Variants in DTX1 observed in about 807,000 individuals in gnomAD.
DTX1 encodes deltex E3 ubiquitin ligase 1.
A neutral mutation model predicts 57.8 loss-of-function variants in DTX1; 26 were observed. The ratio of observed to expected loss-of-function variants is 0.45; its 90% CI spans 0.33 to 0.62. The LOEUF (loss-of-function observed/expected upper bound fraction) is 0.62. Among genes scored for constraint, DTX1 ranks in the 20% least tolerant of loss-of-function variants. The pLI, the probability that DTX1 is intolerant of heterozygous loss-of-function variation, is 0.02. For missense variants in DTX1, 704 were observed against 895.3 expected (o/e 0.79, Z 2.73); for synonymous variants, 398 against 394.1 (o/e 1.01, Z -0.12).
At chr12:113,086,132 G>A (rs2136063616) in intron 3 of DTX1, among the ~76,000 whole-genome samples, 1 of 152,244 alleles carries the variant, frequency 6.6e-6, no homozygotes, top group East Asian at 1.9e-4. Context: ...GCTGGGTGCG[G>A]TGGTGCGTGC....
Position 113,077,545 on chromosome 12 carries a change from C to T in DTX1, c.381C>T (p.Ile127=). 1 of 1,613,906 alleles carries T rather than the reference C, an allele frequency of 6.2e-7. No individual in the cohort carries two copies. The highest frequency in any genetic ancestry group is 8.5e-7 in the Non-Finnish European group (1 of 1,179,928). ...AWTAYDMDIC[I]TIQNAYEKQH... ...CGGCCTACGATATGGACATCTGCAT[C>T]ACCATCCAGAACGCCTACGAGAAGC... The change falls in exon 3 of 10, where the codon ATC becomes ATT. Residue 127 remains isoleucine, a synonymous_variant. Coordinates refer to ENST00000548759, the MANE Select transcript of DTX1 (RefSeq NM_004416.3). The surrounding 1 kb of genome is among the most constrained non-coding windows in gnomAD (Gnocchi z 7.8).
At position 113,097,208 on chromosome 12, in the gene DTX1, A is replaced by C; in HGVS notation, c.*269A>C. 2.1e-6 allele frequency: 1 copy of C among 477,388 alleles called. No homozygotes were observed. The highest frequency in any genetic ancestry group is 3.8e-6 in the Non-Finnish European group (1 of 262,176). The allele number at this position is 477,388 out of a possible 1,614,324, so 29.6% of individuals were successfully genotyped here. On this transcript the variant is annotated 3_prime_UTR_variant, in exon 10 of 10. Coordinates refer to ENST00000548759, the MANE Select transcript of DTX1 (RefSeq NM_004416.3). ...ACAGAGACCCGCCCCCTCACACACA[A>C]ACACACATGTCCTGTTGAACTCATG...
At chr12:113,091,914 G>T (rs1950251434) in intron 3 of DTX1, among the ~76,000 whole-genome samples, 1 of 152,098 alleles carries the variant, frequency 6.6e-6, no homozygotes, top group African/African-American at 2.4e-5. Context: ...ATCCAGCCTG[G>T]GTTCCATGCC....
At position 113,077,880 on chromosome 12, in the gene DTX1, G is replaced by C. The variant is rs1259283309; in HGVS notation, c.716G>C (p.Gly239Ala). The change falls in exon 3 of 10, where the codon GGA becomes GCA. Residue 239 changes from glycine (G) to alanine (A), a missense_variant. Transcript: ENST00000548759. This position sits in a 1 kb window ranked among gnomAD's most constrained non-coding sequence, Gnocchi z 7.8. ...APPLPPPPPP[G>A]GPPGALAVRP... ...CCGCTGCCGCCGCCGCCGCCACCTG[G>C]AGGGCCTCCAGGCGCGCTTGCCGTG... 6 of 1,296,666 alleles carry C rather than the reference G, an allele frequency of 4.6e-6. No homozygotes were observed. Among genetic ancestry groups the C allele is most frequent in the Non-Finnish European group, 4.8e-6 (5 of 1,031,868 alleles). The allele number at this position is 1,296,666 out of a possible 1,614,324, so 80.3% of individuals were successfully genotyped here.
chr12:113,062,993 C>A (rs2044676006), intron 2 of DTX1, among the ~76,000 whole-genome samples: 1 of 152,214 alleles, frequency 6.6e-6, no homozygotes, highest in African/African-American at 2.4e-5. Flanking sequence ...GATGTTAGAT[C>A]AATCACGGTG....
At chr12:113,061,889 A>G (rs557974054) in intron 2 of DTX1, among the ~76,000 whole-genome samples, 10 of 152,156 alleles carry the variant, frequency 6.6e-5, no homozygotes, top group East Asian at 1.9e-4. Context: ...TATTTTTAGT[A>G]GAGATGGGGT....
chr12:113,095,271 C>T (rs918854660), intron 8 of DTX1, 54 bp from the exon 9 acceptor site: 33 of 1,611,654 alleles, frequency 2.0e-5, no homozygotes, highest in Non-Finnish European at 2.8e-5. Context: ...GATGCTTCTC[C>T]ACCCTGCCAC....
intron 2 of DTX1, among the ~76,000 whole-genome samples, chr12:113,063,575 G>A (rs2044680777): frequency 6.6e-6 from 1 of 152,256 alleles, no homozygotes; most frequent in East Asian, 1.9e-4. Flanking sequence ...CTGCTGATGG[G>A]ATAGCTGAGG....
chr12:113,070,240 G>C (rs1310194049), intron 2 of DTX1, among the ~76,000 whole-genome samples: 1 of 152,238 alleles, frequency 6.6e-6, no homozygotes, highest in Non-Finnish European at 1.5e-5. Context: ...GTGGATGGCT[G>C]TTAGTATTAT....
rs2044640902 is a variant in DTX1 at position 113,058,043 on chromosome 12, C to G, written c.-150C>G. The stretch of plus-strand genomic sequence containing the variant: ...TCCCACATTCCTTTAACGGAGGTCT[C>G]TAGGCCTCAGAGAGAACCCAGAGTT... On this transcript the variant is annotated 5_prime_UTR_variant, in exon 2 of 10. Coordinates refer to ENST00000548759, the MANE Select transcript of DTX1 (RefSeq NM_004416.3). 7.6e-7 allele frequency: 1 copy of G among 1,309,016 alleles called. No individual in the cohort carries two copies. Among genetic ancestry groups the G allele is most frequent in the African/African-American group, 1.5e-5 (1 of 67,120 alleles). 81.1% of individuals were successfully genotyped at this position (1,309,016 alleles called of 1,614,324 possible). A position where few individuals can be genotyped will look rare whatever the true frequency, so the allele number is the denominator to read the frequency against.
rs1732786 is a variant in DTX1, at chr12:113,057,841, G to C, written c.-352G>C. ...GGGAAGAGGGACCAAGAGACAACACGGAAGAGGCTGGACCTCGAACAGGGG... is the reference window on the plus strand; with the variant it reads ...GGGAAGAGGGACCAAGAGACAACACCGAAGAGGCTGGACCTCGAACAGGGG... On this transcript the variant is annotated 5_prime_UTR_variant, in exon 2 of 10. Transcript: ENST00000548759. 3.8e-6 allele frequency: 1 copy of C among 260,214 alleles called. No individual in the cohort carries two copies. Among genetic ancestry groups the C allele is most frequent in the East Asian group, 8.3e-5 (1 of 12,086 alleles). The allele number at this position is 260,214 out of a possible 1,614,324, so 16.1% of individuals were successfully genotyped here.
Position 113,057,998 on chromosome 12 carries a change from C to G in DTX1, c.-195C>G. ...GGAGAAGGCTCTACAGGGAAGGGGT[C>G]TTTGCAGCCTGGATGGCCATCCCAC... is the stretch of plus-strand genomic sequence containing the variant. On this transcript the variant is annotated 5_prime_UTR_variant, in exon 2 of 10. Transcript: ENST00000548759. The G allele has an allele frequency of 1.2e-6, 1 of 844,898 alleles. No homozygotes were observed. The highest frequency in any genetic ancestry group is 1.9e-5 in the South Asian group (1 of 53,830). The allele number at this position is 844,898 out of a possible 1,614,324, so 52.3% of individuals were successfully genotyped here.
chr12:113,081,370 C>G (rs113983424), intron 3 of DTX1, among the ~76,000 whole-genome samples: 14 of 152,142 alleles, frequency 9.2e-5, no homozygotes, highest in Non-Finnish European at 1.3e-4. Flanking sequence ...AGCTACTGTT[C>G]TAGAGGAGGC....
chr12:113,062,509 T>C (rs2044672320), intron 2 of DTX1, among the ~76,000 whole-genome samples: 1 of 152,190 alleles, frequency 6.6e-6, no homozygotes, highest in Non-Finnish European at 1.5e-5. Flanking sequence ...CGATAGCAGA[T>C]GGTGGGTGGA....
chr12:113,095,289 T>G, intron 8 of DTX1, 36 bp from the exon 9 acceptor site: 1 of 1,613,478 alleles, frequency 6.2e-7, no homozygotes, highest in Non-Finnish European at 8.5e-7. Context: ...CACCACCTGT[T>G]CATGGTCTAA....
chr12:113,071,787 C>T (rs1319715211), intron 2 of DTX1, among the ~76,000 whole-genome samples: 4 of 152,364 alleles, frequency 2.6e-5, no homozygotes, highest in South Asian at 4.1e-4. Flanking sequence ...GATGGGCAGG[C>T]GGGCAGCGGC....
rs1566021141 is a variant in DTX1 at position 113,093,194 on chromosome 12, G to T, written c.974G>T (p.Gly325Val). The T allele has an allele frequency of 6.3e-7, 1 of 1,599,968 alleles. No individual in the cohort carries two copies. The highest frequency in any genetic ancestry group is 2.3e-5 in the East Asian group (1 of 44,170). The stretch of plus-strand genomic sequence containing the variant: ...GCACTCCCGGTGAAGAACTTGAATG[G>T]TACTGGGCCGGTCCATCCGGCCCTG... ...VPALPVKNLN[G>V]TGPVHPALAG... Residue 325 changes from glycine to valine, a missense_variant, in exon 4 of 10, where the codon GGT becomes GTT. Physicochemically the swap from Gly to Val is moderately radical, Grantham distance 109. Around this residue, in one of 3 missense-constraint regions of DTX1, gnomAD observed 299 missense variants for 311.2 expected, o/e 0.96. Coordinates refer to ENST00000548759, the MANE Select transcript of DTX1 (RefSeq NM_004416.3). This position sits in a 1 kb window ranked among gnomAD's most constrained non-coding sequence, Gnocchi z 4.2.
chr12:113,091,217 G>T (rs1950244358), intron 3 of DTX1, among the ~76,000 whole-genome samples: 1 of 151,764 alleles, frequency 6.6e-6, no homozygotes, highest in Non-Finnish European at 1.5e-5. Context: ...CTGTGTGTAT[G>T]TGTGTGTCCC....
At chr12:113,082,011 T>G (rs1732803) in intron 3 of DTX1, among the ~76,000 whole-genome samples, 93,235 of 151,724 alleles carry the variant, frequency 0.61, 29,386 homozygotes, top group Middle Eastern at 0.76. Context: ...AGTTTTCTCT[T>G]TGGGGGTGCG....
Sources: allele counts gnomAD v4.1 joint callset (sites outside exome capture counted in the v4.1 genomes callset), GRCh38; gene constraint gnomAD v4.1.1; regional missense constraint gnomAD v4.1.1; non-coding constraint Gnocchi (gnomAD v3.1); transcripts MANE v1.5; gene names NCBI Gene and HGNC (gene_info 2026-07-23, HGNC 2026-07-21).